RASAL2: variants seen among roughly 807,000 people sequenced by gnomAD.
The protein encoded by RASAL2 is ras GTPase-activating protein nGAP.
RASAL2 carries 58 observed loss-of-function variants against 128.9 expected under a neutral mutation model. The observed-to-expected ratio is 0.45, with a 90% CI of 0.36 to 0.56. RASAL2 has a LOEUF of 0.56. Among genes scored for constraint, RASAL2 ranks in the 20% least tolerant of loss-of-function variants. The probability of loss-of-function intolerance (pLI) is 0.00; values close to 1 mark genes in which losing one functional copy is unlikely to be tolerated. For missense variants in RASAL2, 1,360 were observed against 1,601.6 expected (o/e 0.85, Z 2.57); for synonymous variants, 561 against 580.8 (o/e 0.97, Z 0.49).
intron 4 of RASAL2, among the ~76,000 whole-genome samples, chr1:178,413,991 A>G (rs1227409142): frequency 6.6e-5 from 10 of 152,152 alleles, no homozygotes. Context: ...GACTGCAGAA[A>G]AAACAAAAAC....
chr1:178,127,878 A>G (rs1437362783), intron 1 of RASAL2, among the ~76,000 whole-genome samples: 2 of 152,136 alleles, frequency 1.3e-5, no homozygotes, highest in Non-Finnish European at 2.9e-5. Flanking sequence ...AATGACTGGT[A>G]GAAAAAGACA....
chr1:178,295,080 A>G (rs1251518008), intron 2 of RASAL2, among the ~76,000 whole-genome samples: 2 of 152,180 alleles, frequency 1.3e-5, no homozygotes, highest in Non-Finnish European at 2.9e-5. Context: ...ATTGAGGTTT[A>G]TTAAAGCCAA....
intron 1 of RASAL2, among the ~76,000 whole-genome samples, chr1:178,135,498 A>T (rs868299061): frequency 0.035 from 4,338 of 123,228 alleles, 192 homozygotes; most frequent in African/African-American, 0.14. Context: ...TCTCTTCATA[A>T]AAAAAAAAAA....
Position 178,094,575 on chromosome 1 carries a change from C to T in RASAL2, c.83C>T (p.Pro28Leu). 1 of 1,604,602 alleles carries T rather than the reference C, an allele frequency of 6.2e-7. No individual in the cohort carries two copies. Among genetic ancestry groups the T allele is most frequent in the Non-Finnish European group, 8.5e-7 (1 of 1,175,842 alleles). The stretch of plus-strand genomic sequence containing the variant: ...TTCCCGGCGCTGGAGTCCGACTCGC[C>T]GCTGCCCCCGGAGGACCTGGACGCG... ...EMFPALESDS[P>L]LPPEDLDAVV... The change falls in exon 1 of 18, where the codon CCG becomes CTG. Residue 28 changes from proline to leucine, a missense_variant. This residue lies in a region of RASAL2 where 617 missense variants were observed against 714.2 expected (regional missense o/e 0.86). Transcript: ENST00000367649.
intron 1 of RASAL2, among the ~76,000 whole-genome samples, chr1:178,140,165 G>C (rs1488462097): frequency 6.6e-6 from 1 of 152,020 alleles, no homozygotes; most frequent in Non-Finnish European, 1.5e-5. Context: ...CTCCTCCAAG[G>C]ACAGTTTTTG....
chr1:178,414,316 G>GT (rs1273760627), intron 4 of RASAL2, among the ~76,000 whole-genome samples: 2 of 152,120 alleles, frequency 1.3e-5, no homozygotes, highest in African/African-American at 4.8e-5. Context: ...AGGTACTGAG[G>GT]GATGAATAGG....
intron 8 of RASAL2, 98 bp from the exon 9 acceptor site, chr1:178,445,420 A>G: frequency 1.5e-6 from 2 of 1,337,200 alleles, no homozygotes; most frequent in South Asian, 3.2e-5. Flanking sequence ...CTTTAGTTTT[A>G]AAGCAGCATT....
At chr1:178,337,726 T>C (rs2102393008) in intron 3 of RASAL2, among the ~76,000 whole-genome samples, 1 of 151,140 alleles carries the variant, frequency 6.6e-6, no homozygotes, top group South Asian at 2.1e-4. Flanking sequence ...ATAAAATTGA[T>C]ATGCAAGTAA....
chr1:178,190,732 T>C (rs2101946885), intron 1 of RASAL2, among the ~76,000 whole-genome samples: 2 of 23,270 alleles, frequency 8.6e-5, no homozygotes, highest in South Asian at 5.3e-3. Context: ...TGTAATTTCA[T>C]AGTTAAAAAA....
chr1:178,394,310 A>G (rs1034006471), intron 4 of RASAL2, among the ~76,000 whole-genome samples: 1 of 152,162 alleles, frequency 6.6e-6, no homozygotes, highest in Non-Finnish European at 1.5e-5. Flanking sequence ...CTAGACTTTC[A>G]TTTAAATGAA....
At chr1:178,405,668 C>G (rs1673955656) in intron 4 of RASAL2, among the ~76,000 whole-genome samples, 1 of 152,214 alleles carries the variant, frequency 6.6e-6, no homozygotes, top group Admixed American at 6.5e-5. Context: ...TGCAGACCTG[C>G]TGACACTTTG....
intron 1 of RASAL2, among the ~76,000 whole-genome samples, chr1:178,152,150 C>T (rs1660934404): frequency 1.3e-5 from 2 of 152,096 alleles, no homozygotes; most frequent in Non-Finnish European, 2.9e-5. Context: ...TTTTCAGTTT[C>T]ACTCACCAAC....
chr1:178,240,078 A>T (rs903801462), intron 1 of RASAL2, among the ~76,000 whole-genome samples: 1 of 152,174 alleles, frequency 6.6e-6, no homozygotes, highest in Admixed American at 6.5e-5. Context: ...AAACTTTTGT[A>T]ATTACTTTTT....
At chr1:178,181,441 T>C (rs929069757) in intron 1 of RASAL2, among the ~76,000 whole-genome samples, 1 of 151,994 alleles carries the variant, frequency 6.6e-6, no homozygotes, top group Non-Finnish European at 1.5e-5. Flanking sequence ...CACTGCAAGC[T>C]CTGCCTCCCA....
chr1:178,413,054 C>T (rs1339032049), intron 4 of RASAL2, among the ~76,000 whole-genome samples: 1 of 149,528 alleles, frequency 6.7e-6, no homozygotes, highest in Non-Finnish European at 1.5e-5. Context: ...TCTGTCCATC[C>T]GTCTGTCTGT....
intron 5 of RASAL2, among the ~76,000 whole-genome samples, chr1:178,431,589 A>C (rs1458226755): frequency 6.6e-6 from 1 of 152,108 alleles, no homozygotes; most frequent in Non-Finnish European, 1.5e-5. Flanking sequence ...AATTTGAAGT[A>C]TGAATGTATG....
chr1:178,357,439 C>T (rs1670869847), intron 3 of RASAL2, among the ~76,000 whole-genome samples: 1 of 151,260 alleles, frequency 6.6e-6, no homozygotes, highest in South Asian at 2.1e-4. Flanking sequence ...TCTTTTTCTA[C>T]TCTACTGATC....
At chr1:178,413,910 T>C (rs903773012) in intron 4 of RASAL2, among the ~76,000 whole-genome samples, 1 of 151,798 alleles carries the variant, frequency 6.6e-6, no homozygotes, top group Admixed American at 6.6e-5. Context: ...AGGACACAAT[T>C]GAGGAAAGAA....
intron 1 of RASAL2, among the ~76,000 whole-genome samples, chr1:178,266,374 TTTTTG>T (rs1201948185): frequency 1.3e-5 from 2 of 152,188 alleles, no homozygotes; most frequent in Admixed American, 6.5e-5. Flanking sequence ...TGGATATTCT[TTTTTG>T]TGAAGTGAGC....
Sources: gnomAD v4.1 joint callset for allele counts (sites outside exome capture counted in the v4.1 genomes callset) on GRCh38, gnomAD v4.1.1 for gene constraint, gnomAD v4.1.1 regional missense constraint, MANE v1.5 for transcripts, NCBI Gene and HGNC (gene_info 2026-07-23, HGNC 2026-07-21) for gene names.